CFAP299: variants seen among roughly 807,000 people sequenced by gnomAD.
The protein encoded by CFAP299 is cilia- and flagella-associated protein 299.
CFAP299 carries 21 observed loss-of-function variants against 27.0 expected under a neutral mutation model. The ratio of observed to expected loss-of-function variants is 0.78; its 90% CI spans 0.55 to 1.12. The LOEUF (loss-of-function observed/expected upper bound fraction) is 1.12. CFAP299 is among the 50% of genes most tolerant of loss of function. The pLI, the probability that CFAP299 is intolerant of heterozygous loss-of-function variation, is 0.00. For synonymous variants in CFAP299, 104 were observed against 98.1 expected (o/e 1.06, Z -0.36); for missense variants, 310 against 276.6 (o/e 1.12, Z -0.86).
chr4:80,391,253 T>A (rs532635842), intron 2 of CFAP299, among the ~76,000 whole-genome samples: 2 of 152,146 alleles, frequency 1.3e-5, no homozygotes, highest in Non-Finnish European at 2.9e-5. Flanking sequence ...GATTGCTGGA[T>A]TATGTGGTAG....
At chr4:80,486,537 C>T (rs1250634195) in intron 2 of CFAP299, among the ~76,000 whole-genome samples, 1 of 152,160 alleles carries the variant, frequency 6.6e-6, no homozygotes, top group African/African-American at 2.4e-5. Flanking sequence ...ACATTCTTCT[C>T]TTGGGGAAAA....
At chr4:80,701,136 T>A (rs561804294) in intron 3 of CFAP299, among the ~76,000 whole-genome samples, 1 of 152,056 alleles carries the variant, frequency 6.6e-6, no homozygotes, top group East Asian at 1.9e-4. Flanking sequence ...GGTTAATGGA[T>A]AAGGATCATA....
intron 3 of CFAP299, among the ~76,000 whole-genome samples, chr4:80,833,769 T>C (rs1386142194): frequency 6.6e-6 from 1 of 152,216 alleles, no homozygotes; most frequent in Non-Finnish European, 1.5e-5. Flanking sequence ...GCCTATTCTA[T>C]AGAAGGAAAA....
chr4:80,615,299 A>G (rs1306548847), intron 3 of CFAP299, among the ~76,000 whole-genome samples: 1 of 152,160 alleles, frequency 6.6e-6, no homozygotes, highest in East Asian at 1.9e-4. Flanking sequence ...AATATTGTTC[A>G]TTGGCTAGGT....
Position 80,806,716 on chromosome 4 carries a change from C to T in CFAP299, c.334-63277C>T, listed in dbSNP as rs530351459. ...AATGAACTGGAATTTGCTGGGTCAGCAAGGAGGTGCTAGGCATTGCTGGTG... is the reference window on the plus strand; with the variant it reads ...AATGAACTGGAATTTGCTGGGTCAGTAAGGAGGTGCTAGGCATTGCTGGTG... On this transcript the variant is annotated intron_variant, in intron 3 of 5. Coordinates refer to ENST00000358105, the MANE Select transcript of CFAP299 (RefSeq NM_152770.3). Among the ~76,000 whole-genome samples the T allele has an allele frequency of 2.0e-5, 3 of 152,308 alleles. No homozygotes were observed. The South Asian group carries it at 6.2e-4, about 32-fold the overall frequency.
intron 4 of CFAP299, among the ~76,000 whole-genome samples, chr4:80,926,789 G>A (rs888664537): frequency 6.6e-6 from 1 of 152,002 alleles, no homozygotes. Context: ...TTCTGATATA[G>A]GAATTTATGG....
intron 2 of CFAP299, chr4:80,386,938 G>A: frequency 1.2e-6 from 1 of 867,412 alleles, no homozygotes; most frequent in South Asian, 1.3e-5. Flanking sequence ...CGCAGTTTGA[G>A]GTAATGCACC....
At chr4:80,358,541 A>G (rs922340893) in intron 1 of CFAP299, among the ~76,000 whole-genome samples, 1 of 151,910 alleles carries the variant, frequency 6.6e-6, no homozygotes, top group Non-Finnish European at 1.5e-5. Flanking sequence ...TATATTTCGG[A>G]TAGTTAAATC....
chr4:80,432,299 G>A (rs1204081863), intron 2 of CFAP299, among the ~76,000 whole-genome samples: 7 of 150,794 alleles, frequency 4.6e-5, no homozygotes, highest in African/African-American at 1.7e-4. Flanking sequence ...TTACAGGCAC[G>A]CGCCACCATG....
chr4:80,459,688 A>G (rs1202804413), intron 2 of CFAP299, among the ~76,000 whole-genome samples: 1 of 152,142 alleles, frequency 6.6e-6, no homozygotes, highest in Non-Finnish European at 1.5e-5. Flanking sequence ...AGAAAAACTG[A>G]TTTTTACCAT....
In CFAP299 at chr4:80,335,827, AT is replaced by A; in HGVS notation, c.60del (p.Tyr20Ter). 6.2e-7 allele frequency: 1 copy of A among 1,613,962 alleles called. No individual in the cohort carries two copies. The highest frequency in any genetic ancestry group is 8.5e-7 in the Non-Finnish European group (1 of 1,179,788). On this transcript the variant is annotated frameshift_variant, in exon 1 of 6. Coordinates refer to ENST00000358105, the MANE Select transcript of CFAP299 (RefSeq NM_152770.3). LOFTEE classifies it high-confidence loss of function. The stretch of plus-strand genomic sequence containing the variant: ...AATATTGTCACTCAATTCAACGCCT[AT>A]GAAGATTTCCTGGACTCGCAGATCA... ...LDNIVTQFNA[Y>X]EDFLDSQITT...
intron 4 of CFAP299, among the ~76,000 whole-genome samples, chr4:80,921,770 TA>T (rs1450266722): frequency 1.3e-5 from 2 of 151,574 alleles, no homozygotes; most frequent in African/African-American, 2.4e-5. Flanking sequence ...AGGAGACAAA[TA>T]AACAAGCTGC....
At chr4:80,916,493 G>A (rs1491004323) in intron 4 of CFAP299, among the ~76,000 whole-genome samples, 1 of 151,598 alleles carries the variant, frequency 6.6e-6, no homozygotes, top group African/African-American at 2.4e-5. Context: ...AGCTATGTTT[G>A]GTGATGTCCA....
At chr4:80,396,840 C>CT (rs1725824450) in intron 2 of CFAP299, among the ~76,000 whole-genome samples, 1 of 152,060 alleles carries the variant, frequency 6.6e-6, no homozygotes, top group Admixed American at 6.6e-5. Flanking sequence ...CTAAAATTCT[C>CT]TTTTTTTGTT....
At chr4:80,436,297 CTTTT>C (rs781551098) in intron 2 of CFAP299, among the ~76,000 whole-genome samples, 4 of 136,416 alleles carry the variant, frequency 2.9e-5, no homozygotes, top group African/African-American at 2.7e-5. Context: ...TGTGGGATAT[CTTTT>C]TTTTTTTTTT....
At chr4:80,372,470 G>A (rs1054578442) in intron 2 of CFAP299, among the ~76,000 whole-genome samples, 5 of 152,228 alleles carry the variant, frequency 3.3e-5, no homozygotes, top group African/African-American at 4.8e-5. Context: ...GGCTAAGGCC[G>A]AAGAGGAGAA....
intron 2 of CFAP299, among the ~76,000 whole-genome samples, chr4:80,509,386 A>T (rs1191514814): frequency 6.6e-6 from 1 of 152,178 alleles, no homozygotes; most frequent in Non-Finnish European, 1.5e-5. Context: ...AAATTTTAAC[A>T]TATATTTTGC....
chr4:80,586,492 A>G (rs962488553), intron 3 of CFAP299, among the ~76,000 whole-genome samples: 1 of 152,136 alleles, frequency 6.6e-6, no homozygotes, highest in African/African-American at 2.4e-5. Flanking sequence ...CTATCAGAAT[A>G]TTTTTTAAAG....
At chr4:80,834,898 C>A (rs1309208676) in intron 3 of CFAP299, among the ~76,000 whole-genome samples, 3 of 152,070 alleles carry the variant, frequency 2.0e-5, no homozygotes, top group Non-Finnish European at 4.4e-5. Flanking sequence ...CTCTGTTGTT[C>A]TCTTGTTCTG....
Sources: allele counts gnomAD v4.1 joint callset (sites outside exome capture counted in the v4.1 genomes callset), GRCh38; gene constraint gnomAD v4.1.1; transcripts MANE v1.5; gene names NCBI Gene and HGNC (gene_info 2026-07-23, HGNC 2026-07-21).